LSAMP: variants seen among roughly 807,000 people sequenced by gnomAD.
The protein encoded by LSAMP is limbic system-associated membrane protein.
LSAMP carries 7 observed loss-of-function variants against 38.6 expected under a neutral mutation model. The observed-to-expected ratio is 0.18, with a 90% CI of 0.10 to 0.34. The LOEUF (loss-of-function observed/expected upper bound fraction) is 0.34, where lower values mean the gene tolerates loss of function less well. Among genes scored for constraint, LSAMP ranks in the 10% least tolerant of loss-of-function variants. LSAMP has a pLI of 1.00. For missense variants in LSAMP, 313 were observed against 420.0 expected (o/e 0.75, Z 2.23); for synonymous variants, 154 against 166.8 (o/e 0.92, Z 0.59).
chr3:116,317,188 T>C (rs1464204345), intron 1 of LSAMP, among the ~76,000 whole-genome samples: 2 of 152,166 alleles, frequency 1.3e-5, no homozygotes, highest in African/African-American at 2.4e-5. Flanking sequence ...TGTTTGGCTC[T>C]TCACAATAAA....
At chr3:115,964,676 C>T (rs1333255399) in intron 3 of LSAMP, among the ~76,000 whole-genome samples, 1 of 152,054 alleles carries the variant, frequency 6.6e-6, no homozygotes, top group African/African-American at 2.4e-5. Context: ...GGGATTTAGA[C>T]AGTTTAGAAA....
At chr3:116,128,021 C>G (rs754703379) in intron 1 of LSAMP, among the ~76,000 whole-genome samples, 1 of 151,810 alleles carries the variant, frequency 6.6e-6, no homozygotes, top group African/African-American at 2.4e-5. Context: ...TGATTGGGAC[C>G]CTTGGAGTAT....
At chr3:116,175,450 G>T (rs67853012) in intron 1 of LSAMP, among the ~76,000 whole-genome samples, 29,887 of 151,602 alleles carry the variant, frequency 0.2, 2,973 homozygotes, top group Admixed American at 0.24. Flanking sequence ...AACTATAGTC[G>T]TCCTACAATG....
intron 5 of LSAMP, among the ~76,000 whole-genome samples, chr3:115,842,207 G>C (rs939466883): frequency 4.6e-5 from 7 of 152,192 alleles, no homozygotes; most frequent in African/African-American, 1.7e-4. Flanking sequence ...TTGAGTTTCT[G>C]TTATAGGCAA....
chr3:116,217,328 C>T (rs2046232226), intron 1 of LSAMP, among the ~76,000 whole-genome samples: 1 of 152,190 alleles, frequency 6.6e-6, no homozygotes, highest in African/African-American at 2.4e-5. Flanking sequence ...AAGACACATT[C>T]ACGTTATAGA....
rs116532019 is a variant in LSAMP, at chr3:116,102,646, T to C, written c.156-16090A>G. Among the ~76,000 whole-genome samples the C allele has an allele frequency of 7.1e-3, 1,085 of 152,336 alleles. 7 individuals are homozygous for C. Among genetic ancestry groups the C allele is most frequent in the Non-Finnish European group, 0.012 (811 of 68,016 alleles). On this transcript the variant is annotated intron_variant, in intron 1 of 6. Transcript: ENST00000490035. ...GCTAGGACATTAGTTTTCTCCTGCC[T>C]TCACACTTGGACTTGGACTGAAATT...
At chr3:115,810,581 C>T (rs1305052907) in intron 6 of LSAMP, among the ~76,000 whole-genome samples, 167 bp from the exon 7 acceptor site, 2 of 152,146 alleles carry the variant, frequency 1.3e-5, no homozygotes, top group Non-Finnish European at 2.9e-5. Flanking sequence ...TTTCTAAATC[C>T]TTCTCCTCCT....
intron 1 of LSAMP, among the ~76,000 whole-genome samples, chr3:116,238,305 T>C (rs1348113861): frequency 6.6e-6 from 1 of 152,236 alleles, no homozygotes; most frequent in Non-Finnish European, 1.5e-5. Flanking sequence ...TAAGCTGTTT[T>C]AGTCATTTCA....
At chr3:116,398,814 G>A (rs1293475900) in intron 1 of LSAMP, among the ~76,000 whole-genome samples, 2 of 152,198 alleles carry the variant, frequency 1.3e-5, no homozygotes, top group Non-Finnish European at 2.9e-5. Context: ...TGTTCTCAAC[G>A]AGTTGGCAGT....
At chr3:116,310,640 A>G (rs1017711203) in intron 1 of LSAMP, among the ~76,000 whole-genome samples, 4 of 152,154 alleles carry the variant, frequency 2.6e-5, no homozygotes, top group Admixed American at 2.0e-4. Context: ...TTGTGATTCT[A>G]TATTTACTAA....
intron 1 of LSAMP, among the ~76,000 whole-genome samples, chr3:116,184,606 G>A (rs1436120327): frequency 1.3e-5 from 2 of 151,852 alleles, no homozygotes; most frequent in Non-Finnish European, 2.9e-5. Context: ...TTAGCAGGAG[G>A]GTTTGAAGAT....
At position 116,041,803 on chromosome 3, in the gene LSAMP, A is replaced by AC. The variant is rs375927993; in HGVS notation, c.389-22164_389-22163insG. 9.3e-3 allele frequency among the ~76,000 whole-genome samples: 1,370 copies of AC among 147,168 alleles called. 48 individuals carry two copies. Among genetic ancestry groups the AC allele is most frequent in the African/African-American group, 0.033 (1,239 of 37,674 alleles). ...AAAGTAAATGAAAGCATGCAAAAAAAAACAAAACAAAACAAAAAAAAAACA... is the reference window on the plus strand; with the variant it reads ...AAAGTAAATGAAAGCATGCAAAAAAACAACAAAACAAAACAAAAAAAAAACA... On this transcript the variant is annotated intron_variant, in intron 2 of 6. Transcript: ENST00000490035.
chr3:115,859,181 G>C (rs1329433804), intron 3 of LSAMP, among the ~76,000 whole-genome samples: 1 of 152,130 alleles, frequency 6.6e-6, no homozygotes, highest in Non-Finnish European at 1.5e-5. Flanking sequence ...GCTGTCCAAA[G>C]GCTGAAACCA....
chr3:116,181,812 C>T (rs974071851), intron 1 of LSAMP, among the ~76,000 whole-genome samples: 2 of 151,874 alleles, frequency 1.3e-5, no homozygotes, highest in African/African-American at 4.8e-5. Context: ...ATCTGATTTC[C>T]TTACAATGAG....
chr3:116,066,530 A>G (rs886677429), intron 2 of LSAMP, among the ~76,000 whole-genome samples: 1 of 151,912 alleles, frequency 6.6e-6, no homozygotes, highest in Non-Finnish European at 1.5e-5. Context: ...AAATTACCCC[A>G]TCCTCTTCAC....
chr3:116,026,463 A>G (rs1363142670), intron 2 of LSAMP, among the ~76,000 whole-genome samples: 4 of 152,198 alleles, frequency 2.6e-5, no homozygotes, highest in African/African-American at 9.6e-5. Context: ...TGGAATAGAC[A>G]TATATGATTT....
At chr3:116,139,967 T>C (rs1388030672) in intron 1 of LSAMP, among the ~76,000 whole-genome samples, 1 of 152,016 alleles carries the variant, frequency 6.6e-6, no homozygotes, top group Non-Finnish European at 1.5e-5. Flanking sequence ...GAGATGGTTT[T>C]ATTAGTCCAA....
At chr3:116,385,729 T>G (rs560973782) in intron 1 of LSAMP, among the ~76,000 whole-genome samples, 1 of 152,286 alleles carries the variant, frequency 6.6e-6, no homozygotes, top group African/African-American at 2.4e-5. Context: ...TCTATCTGTC[T>G]AGTTACCATT....
chr3:116,256,314 G>A (rs1365689098), intron 1 of LSAMP, among the ~76,000 whole-genome samples: 3 of 152,176 alleles, frequency 2.0e-5, no homozygotes, highest in Non-Finnish European at 2.9e-5. Flanking sequence ...CAAAGCAAGA[G>A]CATTTGCGCA....
Sources: gnomAD v4.1 joint callset for allele counts (sites outside exome capture counted in the v4.1 genomes callset) on GRCh38, gnomAD v4.1.1 for gene constraint, MANE v1.5 for transcripts, NCBI Gene and HGNC (gene_info 2026-07-23, HGNC 2026-07-21) for gene names.